C1orf21: variants seen among roughly 807,000 people sequenced by gnomAD.
The protein encoded by C1orf21 is chromosome 1 open reading frame 21, also known as uncharacterized protein C1orf21.
In C1orf21, 3 loss-of-function variants were observed where a neutral mutation model predicts 18.7. The ratio of observed to expected loss-of-function variants is 0.16; its 90% CI spans 0.07 to 0.42. The LOEUF (loss-of-function observed/expected upper bound fraction) is 0.42, where lower values mean the gene tolerates loss of function less well. C1orf21 is among the 10% of genes least tolerant of loss of function. The pLI is 0.99. For missense variants in C1orf21, 104 were observed against 143.6 expected (o/e 0.72, Z 1.41); for synonymous variants, 41 against 46.4 (o/e 0.88, Z 0.47).
chr1:184,615,884 A>T (rs1405710970), intron 5 of C1orf21, among the ~76,000 whole-genome samples: 1 of 152,238 alleles, frequency 6.6e-6, no homozygotes, highest in Non-Finnish European at 1.5e-5. Context: ...GTAATGGTCA[A>T]ATCAGGGTAC....
chr1:184,600,773 T>G (rs753202867), intron 5 of C1orf21, among the ~76,000 whole-genome samples: 3 of 152,242 alleles, frequency 2.0e-5, no homozygotes, highest in Non-Finnish European at 4.4e-5. Flanking sequence ...CAGCTGTAGA[T>G]TCTTACAGGC....
intron 1 of C1orf21, among the ~76,000 whole-genome samples, chr1:184,420,203 GA>G (rs1044309334): frequency 3.3e-5 from 5 of 149,682 alleles, no homozygotes; most frequent in African/African-American, 2.5e-5. Flanking sequence ...TGTGCAAGAA[GA>G]AAAAAAAATG....
chr1:184,449,155 T>A (rs1196527495), intron 1 of C1orf21, among the ~76,000 whole-genome samples: 1 of 152,090 alleles, frequency 6.6e-6, no homozygotes, highest in African/African-American at 2.4e-5. Context: ...ACCCATTAAC[T>A]CGTCATTTAC....
At chr1:184,606,143 C>A (rs1363352327) in intron 5 of C1orf21, among the ~76,000 whole-genome samples, 1 of 152,206 alleles carries the variant, frequency 6.6e-6, no homozygotes, top group East Asian at 1.9e-4. Flanking sequence ...TGCTAACTTT[C>A]GAGCTGTGAT....
chr1:184,414,829 A>C (rs970714315), intron 1 of C1orf21, among the ~76,000 whole-genome samples: 1 of 152,200 alleles, frequency 6.6e-6, no homozygotes, highest in African/African-American at 2.4e-5. Flanking sequence ...GATGGGTCTC[A>C]TGACCAGTTT....
intron 3 of C1orf21, among the ~76,000 whole-genome samples, chr1:184,584,632 C>T (rs180945521): frequency 2.0e-5 from 3 of 152,284 alleles, no homozygotes; most frequent in Admixed American, 6.5e-5. Context: ...TTCATAACAT[C>T]GCTATTCATA....
intron 1 of C1orf21, among the ~76,000 whole-genome samples, chr1:184,438,673 T>C (rs1441907734): frequency 6.6e-6 from 1 of 152,172 alleles, no homozygotes; most frequent in Admixed American, 6.5e-5. Flanking sequence ...GTAGCTCTGC[T>C]GATAGATCGC....
chr1:184,477,326 G>C (rs1657585287), intron 1 of C1orf21, 60 bp from the exon 2 acceptor site: 2 of 577,040 alleles, frequency 3.5e-6, no homozygotes. Context: ...CACCAACATA[G>C]TGAGGCTTGT....
intron 3 of C1orf21, among the ~76,000 whole-genome samples, chr1:184,576,275 C>T (rs968726179): frequency 1.3e-5 from 2 of 152,194 alleles, no homozygotes; most frequent in African/African-American, 4.8e-5. Flanking sequence ...TAGGCATGCG[C>T]CACCACATCC....
rs575059260 is a variant in C1orf21, at chr1:184,496,948, G to A, written c.95-10640G>A. Among the ~76,000 whole-genome samples the A allele has an allele frequency of 5.3e-5, 8 of 152,220 alleles. No homozygotes were observed. The Middle Eastern group carries it at 0.01, about 194-fold the overall frequency. The stretch of plus-strand genomic sequence containing the variant: ...GAACATTCAAGGTGTCTTACTCTAC[G>A]TTTAAATAGGTTACAAATAGATGGA... On this transcript the variant is annotated intron_variant, in intron 2 of 5. Coordinates refer to ENST00000235307, the MANE Select transcript of C1orf21 (RefSeq NM_030806.4).
intron 3 of C1orf21, among the ~76,000 whole-genome samples, chr1:184,534,115 T>C (rs949087583): frequency 1.3e-5 from 2 of 152,220 alleles, no homozygotes; most frequent in African/African-American, 4.8e-5. Context: ...TTCCCGTCTC[T>C]GATAATAATG....
intron 2 of C1orf21, among the ~76,000 whole-genome samples, chr1:184,502,667 T>C (rs576722194): frequency 3.9e-5 from 6 of 152,294 alleles, no homozygotes; most frequent in Non-Finnish European, 7.3e-5. Context: ...TGTACAGTCT[T>C]TATACTTCCC....
At chr1:184,512,464 TC>T (rs1370533746) in intron 3 of C1orf21, among the ~76,000 whole-genome samples, 1 of 152,216 alleles carries the variant, frequency 6.6e-6, no homozygotes, top group East Asian at 1.9e-4. Context: ...GTGCTGGTTT[TC>T]TGAGGCTGAT....
chr1:184,480,398 A>G (rs1657635934), intron 2 of C1orf21, among the ~76,000 whole-genome samples: 1 of 152,260 alleles, frequency 6.6e-6, no homozygotes, highest in Non-Finnish European at 1.5e-5. Flanking sequence ...CAGTCTTTAA[A>G]AAGATAACCT....
In C1orf21 at chr1:184,439,678, C is replaced by T. The variant is rs546537965; in HGVS notation, c.-124-37708C>T. The stretch of plus-strand genomic sequence containing the variant: ...ACTCAACCTACATTATGGCTGGGCA[C>T]AGTGGCTCACGCCTGTAATCCCAGC... On this transcript the variant is annotated intron_variant, in intron 1 of 5. Transcript: ENST00000235307. 6.6e-5 allele frequency among the ~76,000 whole-genome samples: 10 copies of T among 152,032 alleles called. No individual in the cohort carries two copies. In the South Asian group the frequency reaches 8.3e-4, roughly 13 times the overall value.
chr1:184,440,186 A>T (rs1656922101), intron 1 of C1orf21, among the ~76,000 whole-genome samples: 1 of 152,186 alleles, frequency 6.6e-6, no homozygotes, highest in African/African-American at 2.4e-5. Context: ...TTGCTTTAAG[A>T]TGAACAGCAT....
chr1:184,450,118 G>A (rs1557975103), intron 1 of C1orf21, among the ~76,000 whole-genome samples: 3 of 152,170 alleles, frequency 2.0e-5, no homozygotes, highest in Admixed American at 6.5e-5. Flanking sequence ...GTAGGTGGAT[G>A]CCTGATACAG....
intron 3 of C1orf21, among the ~76,000 whole-genome samples, chr1:184,521,791 G>A (rs1010084244): frequency 1.3e-5 from 2 of 152,066 alleles, no homozygotes; most frequent in Non-Finnish European, 2.9e-5. Context: ...GGGGATCTCG[G>A]TATAGAATGC....
chr1:184,468,318 G>A (rs1422234702), intron 1 of C1orf21, among the ~76,000 whole-genome samples: 2 of 152,102 alleles, frequency 1.3e-5, no homozygotes, highest in Non-Finnish European at 2.9e-5. Context: ...AATGTGGCCC[G>A]AGGCAGAGCA....
Sources: allele counts gnomAD v4.1 joint callset (sites outside exome capture counted in the v4.1 genomes callset), GRCh38; gene constraint gnomAD v4.1.1; transcripts MANE v1.5; gene names NCBI Gene and HGNC (gene_info 2026-07-23, HGNC 2026-07-21).